VAPB: variants seen among roughly 807,000 people sequenced by gnomAD.
The protein encoded by VAPB is vesicle-associated membrane protein-associated protein B/C.
In VAPB, 7 loss-of-function variants were observed where a neutral mutation model predicts 25.6. That is an observed-to-expected ratio of 0.27 (90% confidence interval 0.16 to 0.51). The LOEUF (loss-of-function observed/expected upper bound fraction) is 0.51. VAPB is among the 20% of genes least tolerant of loss of function. The pLI is 0.97. For synonymous variants in VAPB, 112 were observed against 109.2 expected, an observed-to-expected ratio of 1.03 and a Z score of -0.16; for missense variants, 266 against 301.3, an observed-to-expected ratio of 0.88 and a Z score of 0.87.
chr20:58,425,795 C>T (rs57153854), intron 2 of VAPB, among the ~76,000 whole-genome samples: 51,073 of 152,004 alleles, frequency 0.34, 8,911 homozygotes, highest in African/African-American at 0.35. Flanking sequence ...AGGTGGGGTC[C>T]AGCAGTCTGT....
At chr20:58,414,969 T>TC (rs1360965019) in intron 1 of VAPB, among the ~76,000 whole-genome samples, 5 of 152,200 alleles carry the variant, frequency 3.3e-5, no homozygotes, top group Non-Finnish European at 5.9e-5. Context: ...CCGCCTGCAA[T>TC]CCCGGCACGT....
intron 1 of VAPB, among the ~76,000 whole-genome samples, chr20:58,401,246 T>G (rs1988089176): frequency 1.3e-5 from 2 of 152,358 alleles, no homozygotes; most frequent in African/African-American, 4.8e-5. Context: ...AGAATAGTGC[T>G]TGGCCATTAG....
rs1278207366 is a variant in VAPB at position 58,448,727 on chromosome 20, T to C, written c.*4492T>C. On this transcript the variant is annotated 3_prime_UTR_variant, in exon 6 of 6. Transcript: ENST00000475243. ...ACACTAAAGTAAGTAGAATTAAGAC[T>C]GTAGTTCAGATGCTTTTTCTTTTTC... 2.2e-6 allele frequency: 1 copy of C among 453,922 alleles called. No homozygotes were observed. Among genetic ancestry groups the C allele is most frequent in the Non-Finnish European group, 4.4e-6 (1 of 226,790 alleles). The allele number at this position is 453,922 out of a possible 1,614,324, so 28.1% of individuals were successfully genotyped here.
chr20:58,410,299 A>G (rs1767776852), intron 1 of VAPB, among the ~76,000 whole-genome samples: 1 of 152,248 alleles, frequency 6.6e-6, no homozygotes. Context: ...TTACAAATGT[A>G]TAATGACATG....
intron 1 of VAPB, among the ~76,000 whole-genome samples, chr20:58,415,738 A>G (rs1988524244): frequency 6.6e-6 from 1 of 152,184 alleles, no homozygotes; most frequent in African/African-American, 2.4e-5. Flanking sequence ...ATAATGCTTT[A>G]ATGGAAATGG....
At chr20:58,421,383 T>G (rs1004516292) in intron 2 of VAPB, among the ~76,000 whole-genome samples, 1 of 152,212 alleles carries the variant, frequency 6.6e-6, no homozygotes, top group African/African-American at 2.4e-5. Flanking sequence ...AGAAATAAAT[T>G]ACCCCTATAT....
chr20:58,402,635 T>C (rs1342030911), intron 1 of VAPB, among the ~76,000 whole-genome samples: 1 of 150,726 alleles, frequency 6.6e-6, no homozygotes, highest in African/African-American at 2.4e-5. Flanking sequence ...CAGTGCATGG[T>C]GCATGGCAGT....
chr20:58,396,417 T>A (rs1438900051), intron 1 of VAPB, among the ~76,000 whole-genome samples: 1 of 152,232 alleles, frequency 6.6e-6, no homozygotes, highest in Non-Finnish European at 1.5e-5. Flanking sequence ...AATAAATGTT[T>A]TAGGGGTAGA....
chr20:58,403,531 T>C (rs1217215385), intron 1 of VAPB, among the ~76,000 whole-genome samples: 1 of 152,240 alleles, frequency 6.6e-6, no homozygotes, highest in Non-Finnish European at 1.5e-5. Context: ...CAAACCCTTC[T>C]TAGTTCCCCC....
At chr20:58,429,473 T>G (rs1988879638) in intron 2 of VAPB, among the ~76,000 whole-genome samples, 1 of 152,214 alleles carries the variant, frequency 6.6e-6, no homozygotes, top group South Asian at 2.1e-4. Flanking sequence ...GTCTACACTG[T>G]GGTGACTTGG....
chr20:58,402,561 CCTTTTTTTTT>C (rs1643648612), intron 1 of VAPB, among the ~76,000 whole-genome samples: 1 of 112,022 alleles, frequency 8.9e-6, no homozygotes, highest in South Asian at 2.8e-4. Flanking sequence ...GCCCCCCCAC[CCTTTTTTTTT>C]TTTTTTTTTT....
In VAPB at chr20:58,440,958, A is replaced by G; in HGVS notation, c.448A>G (p.Thr150Ala). 2 of 1,614,100 alleles carry G rather than the reference A, an allele frequency of 1.2e-6. No individual in the cohort carries two copies. Among genetic ancestry groups the G allele is most frequent in the Non-Finnish European group, 1.7e-6 (2 of 1,180,010 alleles). The change falls in exon 5 of 6, where the codon ACA becomes GCA. Residue 150 changes from threonine to alanine, a missense_variant. By Grantham distance (58) the Thr-to-Ala change is moderately conservative (BLOSUM62 0). Around this residue, in one of 3 missense-constraint regions of VAPB, gnomAD observed 136 missense variants for 130.7 expected, o/e 1.04. Coordinates refer to ENST00000475243, the MANE Select transcript of VAPB (RefSeq NM_004738.5). ...ATCCACAACTGCATCAAAGACAGAA[A>G]CACCAATAGTGTCTAAGTCTCTGAG... ...IISTTASKTE[T>A]PIVSKSLSSS...
intron 1 of VAPB, among the ~76,000 whole-genome samples, chr20:58,397,519 CAAA>C (rs535438075): frequency 8.9e-6 from 1 of 112,948 alleles, no homozygotes. Context: ...AACTCTGTCT[CAAA>C]AAAAAAAAAA....
chr20:58,417,229 AT>A (rs1189861356), intron 1 of VAPB, among the ~76,000 whole-genome samples: 1 of 152,234 alleles, frequency 6.6e-6, no homozygotes, highest in Non-Finnish European at 1.5e-5. Flanking sequence ...CATGTCCACC[AT>A]AGATGGGTAA....
intron 1 of VAPB, among the ~76,000 whole-genome samples, chr20:58,407,115 A>G (rs1422942417): frequency 6.6e-6 from 1 of 152,200 alleles, no homozygotes; most frequent in Non-Finnish European, 1.5e-5. Context: ...ATATAGATAG[A>G]ATGTATGAAG....
chr20:58,414,370 C>T (rs906425033), intron 1 of VAPB, among the ~76,000 whole-genome samples: 3 of 149,962 alleles, frequency 2.0e-5, no homozygotes, highest in South Asian at 4.2e-4. Context: ...CGGGCGGAGA[C>T]GCCCCCCACC....
chr20:58,392,205 CG>C (rs1328234017), intron 1 of VAPB, among the ~76,000 whole-genome samples: 1 of 152,132 alleles, frequency 6.6e-6, no homozygotes, highest in Non-Finnish European at 1.5e-5. Flanking sequence ...TCTTGTAGAA[CG>C]TGTTTAGAAG....
At position 58,444,258 on chromosome 20, in the gene VAPB, A is replaced by G; in HGVS notation, c.*23A>G. On this transcript the variant is annotated 3_prime_UTR_variant, in exon 6 of 6. Transcript: ENST00000475243. Reference sequence around the variant, plus strand: ...TAGAGGTAGCATGCACAGGATGGTAAATTGGATTGGTGGATCCACCATATC... The same window carrying G: ...TAGAGGTAGCATGCACAGGATGGTAGATTGGATTGGTGGATCCACCATATC... The G allele has an allele frequency of 6.2e-7, 1 of 1,614,164 alleles. No homozygotes were observed. The highest frequency in any genetic ancestry group is 8.5e-7 in the Non-Finnish European group (1 of 1,180,026).
chr20:58,429,625 A>G (rs765353399), intron 2 of VAPB, among the ~76,000 whole-genome samples: 5 of 152,140 alleles, frequency 3.3e-5, no homozygotes, highest in South Asian at 2.1e-4. Context: ...AGCATAGGGA[A>G]CGCCCATTCC....
Sources: gnomAD v4.1 joint callset for allele counts (sites outside exome capture counted in the v4.1 genomes callset) on GRCh38, gnomAD v4.1.1 for gene constraint, gnomAD v4.1.1 regional missense constraint, MANE v1.5 for transcripts, NCBI Gene and HGNC (gene_info 2026-07-23, HGNC 2026-07-21) for gene names.